DNAH11: variants seen among roughly 807,000 people sequenced by gnomAD.
The protein encoded by DNAH11 is dynein axonemal heavy chain 11, also known as axonemal beta dynein heavy chain 11.
In DNAH11, 442 loss-of-function variants were observed where a neutral mutation model predicts 526.0. The observed-to-expected ratio is 0.84, with a 90% CI of 0.78 to 0.91. The LOEUF (loss-of-function observed/expected upper bound fraction) is 0.91, where lower values mean the gene tolerates loss of function less well. Among genes scored for constraint, DNAH11 ranks in the 40% least tolerant of loss-of-function variants. The pLI is 0.00. For synonymous variants in DNAH11, 2,461 were observed against 1,935.9 expected (o/e 1.27, Z -7.12); for missense variants, 6,989 against 5,448.7 (o/e 1.28, Z -8.90).
chr7:21,874,844 AT>A (rs1477090829), intron 74 of DNAH11, among the ~76,000 whole-genome samples: 1 of 151,952 alleles, frequency 6.6e-6, no homozygotes, highest in Non-Finnish European at 1.5e-5. Context: ...TTTTTTGGAA[AT>A]CCTTGGTAAA....
chr7:21,642,230 C>G (rs1787162317), intron 28 of DNAH11, among the ~76,000 whole-genome samples: 1 of 151,140 alleles, frequency 6.6e-6, no homozygotes, highest in African/African-American at 2.5e-5. Flanking sequence ...ACATAAAATG[C>G]TATCACACTG....
intron 32 of DNAH11, among the ~76,000 whole-genome samples, chr7:21,686,422 G>A (rs1783376657): frequency 1.3e-5 from 2 of 152,122 alleles, no homozygotes; most frequent in African/African-American, 2.4e-5. Flanking sequence ...GCCATTTGAT[G>A]TCCTTGCTAT....
intron 54 of DNAH11, among the ~76,000 whole-genome samples, chr7:21,762,772 CTT>C (rs1268689140): frequency 6.6e-6 from 1 of 152,060 alleles, no homozygotes; most frequent in East Asian, 1.9e-4. Context: ...AAATTAAAGA[CTT>C]AAATATAGGG....
chr7:21,673,630 GT>G (rs1485054719), intron 30 of DNAH11, among the ~76,000 whole-genome samples: 1 of 151,954 alleles, frequency 6.6e-6, no homozygotes, highest in Non-Finnish European at 1.5e-5. Context: ...TGTTTCTTCG[GT>G]TTCTCGCTCT....
intron 30 of DNAH11, among the ~76,000 whole-genome samples, chr7:21,672,026 T>G (rs1782661158): frequency 6.6e-6 from 1 of 152,198 alleles, no homozygotes; most frequent in African/African-American, 2.4e-5. Context: ...TCTGATAGTT[T>G]TAAGAGCATG....
Position 21,765,603 on chromosome 7 carries a change from G to A in DNAH11, c.9102+14G>A. Reference sequence around the variant, plus strand: ...AAGGGAATTGAGGTATGCCGTGTCAGCCTGCGTCACACACACACACACACA... The same window carrying A: ...AAGGGAATTGAGGTATGCCGTGTCAACCTGCGTCACACACACACACACACA... On this transcript the variant is annotated intron_variant, in intron 55 of 81. Transcript: ENST00000409508. The A allele has an allele frequency of 2.1e-6, 3 of 1,446,844 alleles. No homozygotes were observed. The highest frequency in any genetic ancestry group is 2.8e-6 in the Non-Finnish European group (3 of 1,078,686). The allele number at this position is 1,446,844 out of a possible 1,614,324, so 89.6% of individuals were successfully genotyped here.
At chr7:21,882,057 T>A (rs575889362) in intron 75 of DNAH11, among the ~76,000 whole-genome samples, 11 of 152,336 alleles carry the variant, frequency 7.2e-5, no homozygotes, top group East Asian at 1.9e-4. Flanking sequence ...ATAACAGTTC[T>A]AGGTAGAAAA....
chr7:21,874,161 T>C (rs1416937311), intron 74 of DNAH11, among the ~76,000 whole-genome samples: 3 of 152,128 alleles, frequency 2.0e-5, no homozygotes, highest in South Asian at 2.1e-4. Flanking sequence ...AAGCCATTGT[T>C]ATTCTTGTTG....
Position 21,787,409 on chromosome 7 carries a change from T to C in DNAH11, c.9750T>C (p.Asp3250=), listed in dbSNP as rs771138501. ...ATCTTTTTGCTTTGCAGGTTGATGA[T>C]TTTTTGCAAGCATTAATTAACTATG... ...AAKVFMGKVD[D]FLQALINYDK... Residue 3250 remains aspartate (D), a synonymous_variant, in exon 60 of 82, where the codon GAT becomes GAC. Transcript: ENST00000409508. 5.0e-6 allele frequency: 8 copies of C among 1,603,098 alleles called. No individual in the cohort carries two copies. The African/African-American group carries it at 8.0e-5, about 16-fold the overall frequency.
intron 25 of DNAH11, among the ~76,000 whole-genome samples, chr7:21,634,914 C>A (rs1786784702): frequency 6.6e-6 from 1 of 152,136 alleles, no homozygotes; most frequent in Non-Finnish European, 1.5e-5. Flanking sequence ...TTCAGACATA[C>A]TAACCATATT....
At chr7:21,789,765 CTTT>C (rs1788357303) in intron 61 of DNAH11, among the ~76,000 whole-genome samples, 1 of 52,758 alleles carries the variant, frequency 1.9e-5, no homozygotes, top group African/African-American at 5.6e-5. Flanking sequence ...TTCTTTCTCT[CTTT>C]CTTTCTTTCT....
At chr7:21,553,547 A>T (rs1348920432) in intron 2 of DNAH11, among the ~76,000 whole-genome samples, 1 of 152,044 alleles carries the variant, frequency 6.6e-6, no homozygotes, top group Non-Finnish European at 1.5e-5. Flanking sequence ...GGTGGGTGGG[A>T]CCTACTCAGA....
Position 21,704,574 on chromosome 7 carries a change from C to T in DNAH11, c.6414C>T (p.Val2138=), listed in dbSNP as rs1784193401. The change falls in exon 38 of 82, where the codon GTC becomes GTT. Residue 2138 remains valine (V), a synonymous_variant. Transcript: ENST00000409508. ...RRRKLHFEQM[V]RQSTLELRLQ... Reference sequence around the variant, plus strand: ...GGAAGCTGCACTTTGAACAGATGGTCAGGCAGTCTACCCTGGAGCTCCGCC... The same window carrying T: ...GGAAGCTGCACTTTGAACAGATGGTTAGGCAGTCTACCCTGGAGCTCCGCC... 1.2e-6 allele frequency: 2 copies of T among 1,613,638 alleles called. No homozygotes were observed. The highest frequency in any genetic ancestry group is 2.7e-5 in the African/African-American group (2 of 74,930).
chr7:21,882,659 T>C (rs1783964806), intron 75 of DNAH11, among the ~76,000 whole-genome samples: 1 of 152,112 alleles, frequency 6.6e-6, no homozygotes, highest in Non-Finnish European at 1.5e-5. Flanking sequence ...TAGCTGGGCA[T>C]GGTGATGCAC....
chr7:21,888,652 G>C (rs1057071568), intron 76 of DNAH11, among the ~76,000 whole-genome samples: 2 of 152,002 alleles, frequency 1.3e-5, no homozygotes, highest in African/African-American at 4.8e-5. Context: ...ACCACGCTGG[G>C]CTAATTTTCG....
intron 61 of DNAH11, among the ~76,000 whole-genome samples, chr7:21,797,194 T>C (rs1788756788): frequency 6.6e-6 from 1 of 152,180 alleles, no homozygotes; most frequent in Non-Finnish European, 1.5e-5. Context: ...AAAATCATCT[T>C]GATGATTATA....
chr7:21,728,416 G>A (rs1339906080), intron 45 of DNAH11, among the ~76,000 whole-genome samples: 1 of 151,452 alleles, frequency 6.6e-6, no homozygotes, highest in Non-Finnish European at 1.5e-5. Flanking sequence ...CCACCACCAT[G>A]CCCGGCTAAT....
chr7:21,765,595 C>T lies in DNAH11; in HGVS notation c.9102+6C>T. The T allele has an allele frequency of 3.0e-6, 4 of 1,338,906 alleles. No homozygotes were observed. The highest frequency in any genetic ancestry group is 2.5e-5 in the East Asian group (1 of 40,138). 82.9% of individuals were successfully genotyped at this position (1,338,906 alleles called of 1,614,324 possible). A position where few individuals can be genotyped will look rare whatever the true frequency, so the allele number is the denominator to read the frequency against. On this transcript the variant is annotated splice_donor_region_variant and intron_variant, in intron 55 of 81. Coordinates refer to ENST00000409508, the MANE Select transcript of DNAH11 (RefSeq NM_001277115.2). ...AGGAAACCAAGGGAATTGAGGTATG[C>T]CGTGTCAGCCTGCGTCACACACACA...
At chr7:21,825,958 C>G (rs1308924321) in intron 65 of DNAH11, among the ~76,000 whole-genome samples, 1 of 139,646 alleles carries the variant, frequency 7.2e-6, no homozygotes, top group African/African-American at 2.8e-5. Flanking sequence ...GACTCTGTCT[C>G]CAAAAAAAAA....
Sources: gnomAD v4.1 joint callset for allele counts (sites outside exome capture counted in the v4.1 genomes callset) on GRCh38, gnomAD v4.1.1 for gene constraint, MANE v1.5 for transcripts, NCBI Gene and HGNC (gene_info 2026-07-23, HGNC 2026-07-21) for gene names.